ABI1: variants seen among roughly 807,000 people sequenced by gnomAD.
The protein encoded by ABI1 is Abelson interactor 1.
Under a neutral mutation model 54.6 loss-of-function variants are expected in ABI1, and 14 were observed. That is an observed-to-expected ratio of 0.26 (90% confidence interval 0.17 to 0.40). The LOEUF is 0.40. ABI1 is among the 10% of genes least tolerant of loss of function. The pLI, the probability that ABI1 is intolerant of heterozygous loss-of-function variation, is 1.00. For synonymous variants in ABI1, 194 were observed against 209.3 expected, an observed-to-expected ratio of 0.93 and a Z score of 0.63; for missense variants, 443 against 598.3, an observed-to-expected ratio of 0.74 and a Z score of 2.71.
chr10:26,857,320 CAAAAAAAAAAAAAAAAAAA>C (rs71403897), intron 1 of ABI1, among the ~76,000 whole-genome samples: 90 of 75,974 alleles, frequency 1.2e-3, no homozygotes, highest in African/African-American at 3.3e-3. Context: ...GACTCCATCT[CAAAAAAAAAAAAAAAAAAA>C]AAAAAAAAAA....
intron 1 of ABI1, among the ~76,000 whole-genome samples, chr10:26,832,333 A>G (rs1163923426): frequency 6.6e-6 from 1 of 152,214 alleles, no homozygotes; most frequent in African/African-American, 2.4e-5. Flanking sequence ...CTGTAATCCC[A>G]GCACTTTGGG....
chr10:26,845,899 T>C (rs550366473), intron 1 of ABI1, among the ~76,000 whole-genome samples: 3 of 152,078 alleles, frequency 2.0e-5, no homozygotes, highest in Non-Finnish European at 4.4e-5. Context: ...TCCCAGCACT[T>C]TGGGAGGCCG....
chr10:26,748,618 A>G lies in ABI1; in HGVS notation c.1398T>C (p.Gly466=). The part of the protein sequence containing the change: ...WYEGVCNRVT[G]LFPGNYVESI... ...ATTCAACATAGTTCCCAGGGAACAG[A>G]CCAGTCACTCGATTGCAGACTCCTT... Residue 466 remains glycine (G), a synonymous_variant, in exon 11 of 11, where the codon GGT becomes GGC. Coordinates refer to ENST00000376140, the MANE Select transcript of ABI1 (RefSeq NM_001012750.3). The G allele has an allele frequency of 6.2e-7, 1 of 1,613,606 alleles. No individual in the cohort carries two copies. The highest frequency in any genetic ancestry group is 8.5e-7 in the Non-Finnish European group (1 of 1,179,808).
chr10:26,815,655 G>T (rs1426498781), intron 2 of ABI1, among the ~76,000 whole-genome samples: 1 of 152,094 alleles, frequency 6.6e-6, no homozygotes, highest in Non-Finnish European at 1.5e-5. Context: ...CACCTGTAGT[G>T]CCAGCACTTT....
Position 26,818,158 on chromosome 10 carries a change from C to CAAAA in ABI1, c.285+4976_285+4979dup, listed in dbSNP as rs397696005. Among the ~76,000 whole-genome samples the CAAAA allele has an allele frequency of 3.7e-4, 17 of 45,442 alleles. 1 individual carries two copies. The highest frequency in any genetic ancestry group is 4.6e-4 in the Non-Finnish European group (11 of 24,046). The allele number at this position is 45,442 out of a possible 152,430, so 29.8% of individuals were successfully genotyped here. A position where few individuals can be genotyped will look rare whatever the true frequency, so the allele number is the denominator to read the frequency against. On this transcript the variant is annotated intron_variant, in intron 2 of 10. Transcript: ENST00000376140. ...TGGGAGACAGAGCAAGACTCCATCT[C>CAAAA]AAAAAAAAAAAAAAAAAAAAAAAAA...
chr10:26,792,422 G>C (rs555042344), intron 2 of ABI1, among the ~76,000 whole-genome samples: 2 of 152,082 alleles, frequency 1.3e-5, no homozygotes, highest in Non-Finnish European at 2.9e-5. Flanking sequence ...TGGGGAAAAA[G>C]GTCAAAATCC....
At chr10:26,832,311 A>G (rs1381010173) in intron 1 of ABI1, among the ~76,000 whole-genome samples, 3 of 152,172 alleles carry the variant, frequency 2.0e-5, no homozygotes, top group Admixed American at 6.6e-5. Flanking sequence ...GGCCGGGCGC[A>G]GTGGCTCACT....
intron 2 of ABI1, among the ~76,000 whole-genome samples, chr10:26,804,636 C>G (rs939241469): frequency 6.6e-6 from 1 of 152,144 alleles, no homozygotes; most frequent in African/African-American, 2.4e-5. Context: ...AATGCCAACA[C>G]TATGTAAAGG....
chr10:26,841,374 CAT>C (rs992422201), intron 1 of ABI1, among the ~76,000 whole-genome samples: 5 of 148,342 alleles, frequency 3.4e-5, no homozygotes, highest in African/African-American at 9.8e-5. Flanking sequence ...AGCAAATTAA[CAT>C]ATATATCAAC....
chr10:26,819,210 AC>A (rs549240506), intron 2 of ABI1, among the ~76,000 whole-genome samples: 6 of 151,442 alleles, frequency 4.0e-5, no homozygotes, highest in Non-Finnish European at 5.9e-5. Context: ...CCAAATCAGC[AC>A]CCCCCCCAAA....
chr10:26,857,415 C>G (rs2050914058), intron 1 of ABI1, among the ~76,000 whole-genome samples: 1 of 149,370 alleles, frequency 6.7e-6, no homozygotes, highest in Non-Finnish European at 1.5e-5. Flanking sequence ...CCAAGGCAGG[C>G]AGACTGCTTG....
intron 2 of ABI1, among the ~76,000 whole-genome samples, chr10:26,809,789 G>A (rs1410018577): frequency 2.0e-5 from 3 of 152,050 alleles, no homozygotes; most frequent in Non-Finnish European, 4.4e-5. Flanking sequence ...CTGAAGCCTG[G>A]TGGAGCTTGC....
chr10:26,814,335 G>A (rs2047423781), intron 2 of ABI1, among the ~76,000 whole-genome samples: 1 of 152,142 alleles, frequency 6.6e-6, no homozygotes, highest in South Asian at 2.1e-4. Flanking sequence ...TTGGGCATCA[G>A]TGTCACAAAC....
At chr10:26,836,762 C>A (rs1233445747) in intron 1 of ABI1, among the ~76,000 whole-genome samples, 2 of 152,216 alleles carry the variant, frequency 1.3e-5, no homozygotes, top group African/African-American at 2.4e-5. Context: ...AACCCTAACT[C>A]TAACCCTAAA....
chr10:26,758,085 A>C (rs1407048644), intron 8 of ABI1, among the ~76,000 whole-genome samples: 3 of 151,474 alleles, frequency 2.0e-5, no homozygotes, highest in Non-Finnish European at 2.9e-5. Context: ...AAAAAAAAAA[A>C]AAAAAAAAAC....
chr10:26,806,066 T>A (rs1357804218), intron 2 of ABI1, among the ~76,000 whole-genome samples: 1 of 152,236 alleles, frequency 6.6e-6, no homozygotes, highest in Non-Finnish European at 1.5e-5. Flanking sequence ...CTATACTCCG[T>A]ATCAACATGA....
chr10:26,769,647 T>TACAA, intron 5 of ABI1, among the ~76,000 whole-genome samples: 1 of 152,198 alleles, frequency 6.6e-6, no homozygotes, highest in East Asian at 1.9e-4. Context: ...AAGTATTCGC[T>TACAA]ATATTTAGTA....
chr10:26,843,453 CAAAAAAAAAAAAAAAAAAAAAA>C lies in ABI1; in HGVS notation c.117+17272_117+17293del, dbSNP rs147957853. Among the ~76,000 whole-genome samples the C allele has an allele frequency of 4.9e-3, 261 of 53,080 alleles. 2 individuals are homozygous for C. The highest frequency in any genetic ancestry group is 8.5e-3 in the Non-Finnish European group (212 of 24,856). The allele number at this position is 53,080 out of a possible 152,430, so 34.8% of individuals were successfully genotyped here. A position where few individuals can be genotyped will look rare whatever the true frequency, so the allele number is the denominator to read the frequency against. Reference sequence around the variant, plus strand: ...TTTATGACATAGCAAGACTCCGTCTCAAAAAAAAAAAAAAAAAAAAAAAAAAAAAAAAATATATATATATATA... The same window carrying C: ...TTTATGACATAGCAAGACTCCGTCTCAAAAAAAAAAATATATATATATATA... On this transcript the variant is annotated intron_variant, in intron 1 of 10. Coordinates refer to ENST00000376140, the MANE Select transcript of ABI1 (RefSeq NM_001012750.3).
Position 26,751,691 on chromosome 10 carries a change from C to T in ABI1, c.1177G>A (p.Asp393Asn). ...SPPPPPPPPV[D>N]YEDEEAAVVQ... ...ACTGCAGCCTCCTCATCTTCATAATCCACTGGTGGTGGTGGTGGGGGAGGT... is the reference window on the plus strand; with the variant it reads ...ACTGCAGCCTCCTCATCTTCATAATTCACTGGTGGTGGTGGTGGGGGAGGT... The change falls in exon 10 of 11, where the codon GAT becomes AAT. Residue 393 changes from aspartate to asparagine, a missense_variant. By Grantham distance (23) the Asp-to-Asn change is conservative. Coordinates refer to ENST00000376140, the MANE Select transcript of ABI1 (RefSeq NM_001012750.3). The T allele has an allele frequency of 6.2e-7, 1 of 1,613,946 alleles. No homozygotes were observed. The highest frequency in any genetic ancestry group is 8.5e-7 in the Non-Finnish European group (1 of 1,179,954).
Sources: gnomAD v4.1 joint callset for allele counts (sites outside exome capture counted in the v4.1 genomes callset) on GRCh38, gnomAD v4.1.1 for gene constraint, MANE v1.5 for transcripts, NCBI Gene and HGNC (gene_info 2026-07-23, HGNC 2026-07-21) for gene names.